Variants in IL19 observed in about 807,000 individuals in gnomAD.
The protein encoded by IL19 is interleukin-19.
Under a neutral mutation model 19.5 loss-of-function variants are expected in IL19, and 15 were observed. The ratio of observed to expected loss-of-function variants is 0.77; its 90% CI spans 0.52 to 1.19. The LOEUF is 1.19. Ranked by LOEUF, IL19 falls within the 50% of genes most tolerant of loss-of-function variation. IL19 has a pLI of 0.00. For synonymous variants in IL19, 78 were observed against 78.3 expected, an observed-to-expected ratio of 1.00 and a Z score of 0.02; for missense variants, 199 against 213.1, an observed-to-expected ratio of 0.93 and a Z score of 0.41.
At chr1:206,832,262 G>A (rs996880936) in intron 2 of IL19, among the ~76,000 whole-genome samples, 1 of 152,252 alleles carries the variant, frequency 6.6e-6, no homozygotes, top group African/African-American at 2.4e-5. Flanking sequence ...TATTTATTAA[G>A]GAGTACTTAC....
At position 206,817,588 on chromosome 1, in the gene IL19, G is replaced by T. The variant is rs1572564086; in HGVS notation, c.-3+18582G>T. Reference sequence around the variant, plus strand: ...ATCTCTATCACACATATTTCAGAGAGGCATATTACCAGGGATAAAGAAGGT... The same window carrying T: ...ATCTCTATCACACATATTTCAGAGATGCATATTACCAGGGATAAAGAAGGT... On this transcript the variant is annotated intron_variant, in intron 2 of 6. Coordinates refer to ENST00000659997, the MANE Select transcript of IL19 (RefSeq NM_153758.5). 2.6e-5 allele frequency among the ~76,000 whole-genome samples: 4 copies of T among 152,042 alleles called. No homozygotes were observed. The Middle Eastern group carries it at 0.01, about 388-fold the overall frequency.
intron 2 of IL19, among the ~76,000 whole-genome samples, chr1:206,809,631 T>C (rs944866482): frequency 1.3e-5 from 2 of 152,198 alleles, no homozygotes; most frequent in African/African-American, 2.4e-5. Flanking sequence ...GCCCTCTTGA[T>C]CTACTGTAAG....
At chr1:206,825,188 A>G (rs1348435657) in intron 2 of IL19, among the ~76,000 whole-genome samples, 1 of 152,234 alleles carries the variant, frequency 6.6e-6, no homozygotes, top group East Asian at 1.9e-4. Context: ...ATATTGAATC[A>G]ACTTCTCAAA....
At chr1:206,819,166 C>T (rs906063779) in intron 2 of IL19, among the ~76,000 whole-genome samples, 3 of 152,056 alleles carry the variant, frequency 2.0e-5, no homozygotes, top group African/African-American at 7.2e-5. Flanking sequence ...GCCTCAAACT[C>T]CTGGGCTCAA....
intron 2 of IL19, among the ~76,000 whole-genome samples, chr1:206,831,077 T>C (rs1220680810): frequency 5.3e-5 from 8 of 152,166 alleles, no homozygotes. Flanking sequence ...TGGTACCCTC[T>C]GGAATTATGC....
At chr1:206,788,756 A>G (rs1012605878) in intron 1 of IL19, among the ~76,000 whole-genome samples, 7 of 152,236 alleles carry the variant, frequency 4.6e-5, no homozygotes, top group Admixed American at 2.6e-4. Flanking sequence ...TCTGCTTAGC[A>G]CATGTCTCAA....
chr1:206,812,183 T>C (rs552408842), intron 2 of IL19, among the ~76,000 whole-genome samples: 1 of 152,258 alleles, frequency 6.6e-6, no homozygotes, highest in Admixed American at 6.5e-5. Flanking sequence ...AACTATATGG[T>C]TCCATATTTC....
Position 206,798,981 on chromosome 1 carries a change from A to G in IL19, c.-28A>G, listed in dbSNP as rs1187802712. 1 of 1,612,912 alleles carries G rather than the reference A, an allele frequency of 6.2e-7. No individual in the cohort carries two copies. The highest frequency in any genetic ancestry group is 1.3e-5 in the African/African-American group (1 of 74,864). On this transcript the variant is annotated 5_prime_UTR_variant, in exon 2 of 7. Transcript: ENST00000659997. ...ACACACATATCCATGTGTGTGTGCC[A>G]GTGCTTTGGGGCTCTGTTCCACGGG... is the stretch of plus-strand genomic sequence containing the variant.
chr1:206,840,120 C>A (rs775093428), intron 5 of IL19, 118 bp downstream of exon 5: 1 of 1,131,668 alleles, frequency 8.8e-7, no homozygotes, highest in South Asian at 1.2e-5. Flanking sequence ...AAATTCTCTG[C>A]GCACGTCCAC....
chr1:206,833,714 T>C lies in IL19; in HGVS notation c.-2-2947T>C, dbSNP rs1158603689. 8.1e-6 allele frequency: 8 copies of C among 985,414 alleles called. No individual in the cohort carries two copies. The African/African-American group carries it at 1.4e-4, about 17-fold the overall frequency. 61.0% of individuals were successfully genotyped at this position (985,414 alleles called of 1,614,324 possible). A position where few individuals can be genotyped will look rare whatever the true frequency, so the allele number is the denominator to read the frequency against. The stretch of plus-strand genomic sequence containing the variant: ...GATCTTAAACCTCTCTTCTTTCCAG[T>C]CTCATTTTCTCTCTCTCTGCATTAA... On this transcript the variant is annotated intron_variant, in intron 2 of 6. Coordinates refer to ENST00000659997, the MANE Select transcript of IL19 (RefSeq NM_153758.5).
intron 1 of IL19, among the ~76,000 whole-genome samples, chr1:206,772,962 G>A (rs1429066543): frequency 2.0e-5 from 3 of 152,140 alleles, no homozygotes; most frequent in Non-Finnish European, 1.5e-5. Flanking sequence ...AGGTCTCTGG[G>A]CCTTAGTTTC....
intron 2 of IL19, chr1:206,828,812 T>A (rs758649394): frequency 4.6e-5 from 7 of 152,160 alleles, no homozygotes; most frequent in Non-Finnish European, 7.4e-5. Flanking sequence ...TTGTCTCTAA[T>A]TTTGTATTTC....
chr1:206,780,724 G>A (rs973491029), intron 1 of IL19, among the ~76,000 whole-genome samples: 5 of 152,194 alleles, frequency 3.3e-5, no homozygotes, highest in Admixed American at 1.3e-4. Context: ...AATGGCAAAG[G>A]TAGAATCTGA....
rs1385004243 is a variant in IL19 at position 206,842,955 on chromosome 1, G to T, written c.*333G>T. 5.4e-5 allele frequency: 9 copies of T among 167,314 alleles called. No homozygotes were observed. 10.4% of individuals were successfully genotyped at this position (167,314 alleles called of 1,614,324 possible). ...ACACATTGTACTGAGTGGTTTTTCT[G>T]AATAAATTCCATATTTTACCTATGA... On this transcript the variant is annotated 3_prime_UTR_variant, in exon 7 of 7. Coordinates refer to ENST00000659997, the MANE Select transcript of IL19 (RefSeq NM_153758.5).
chr1:206,790,093 G>C (rs540772957), intron 1 of IL19, among the ~76,000 whole-genome samples: 4 of 152,108 alleles, frequency 2.6e-5, no homozygotes, highest in African/African-American at 9.7e-5. Flanking sequence ...TGTGCTTTTA[G>C]TTTTTTGAAA....
chr1:206,817,576 A>G (rs528173550), intron 2 of IL19, among the ~76,000 whole-genome samples: 1 of 152,166 alleles, frequency 6.6e-6, no homozygotes, highest in Non-Finnish European at 1.5e-5. Flanking sequence ...TCTATCACAC[A>G]TATTTCAGAG....
chr1:206,795,404 G>A (rs1675498449), intron 1 of IL19, among the ~76,000 whole-genome samples: 1 of 152,218 alleles, frequency 6.6e-6, no homozygotes, highest in African/African-American at 2.4e-5. Flanking sequence ...GGTCAGGGAT[G>A]AGGTTTGAGT....
intron 2 of IL19, among the ~76,000 whole-genome samples, chr1:206,829,899 T>C (rs1199393678): frequency 6.6e-6 from 1 of 152,180 alleles, no homozygotes; most frequent in Admixed American, 6.5e-5. Flanking sequence ...GAGAAGGAAG[T>C]ACAGGCTGAA....
intron 1 of IL19, 21 bp from the exon 2 acceptor site, chr1:206,798,838 ACT>A (rs1416777259): frequency 1.1e-5 from 14 of 1,284,440 alleles, no homozygotes; most frequent in African/African-American, 1.5e-5. Context: ...TGTAATGATG[ACT>A]CTCTATGATT....
Sources: gnomAD v4.1 joint callset for allele counts (sites outside exome capture counted in the v4.1 genomes callset) on GRCh38, gnomAD v4.1.1 for gene constraint, MANE v1.5 for transcripts, NCBI Gene and HGNC (gene_info 2026-07-23, HGNC 2026-07-21) for gene names.